Variants in PCSK9 observed in about 807,000 individuals in gnomAD.
The protein encoded by PCSK9 is proprotein convertase subtilisin/kexin type 9.
In PCSK9, 57 loss-of-function variants were observed where a neutral mutation model predicts 62.1. The observed-to-expected ratio is 0.92, with a 90% CI of 0.74 to 1.14. The LOEUF is 1.14. Among genes scored for constraint, PCSK9 ranks in the 50% most tolerant of loss-of-function variants. The pLI, the probability that PCSK9 is intolerant of heterozygous loss-of-function variation, is 0.00. For synonymous variants in PCSK9, 387 were observed against 409.4 expected, an observed-to-expected ratio of 0.95 and a Z score of 0.66; for missense variants, 870 against 959.8, an observed-to-expected ratio of 0.91 and a Z score of 1.24.
intron 11 of PCSK9, among the ~76,000 whole-genome samples, 154 bp from the exon 12 acceptor site, chr1:55,063,215 G>A (rs1644775713): frequency 6.6e-6 from 1 of 152,194 alleles, no homozygotes; most frequent in Non-Finnish European, 1.5e-5. Context: ...GGTGCGGGGT[G>A]GGAGATACAC....
At chr1:55,060,878 C>T (rs530597927) in intron 10 of PCSK9, among the ~76,000 whole-genome samples, 1 of 152,338 alleles carries the variant, frequency 6.6e-6, no homozygotes, top group African/African-American at 2.4e-5. Flanking sequence ...GGTGTGGTTT[C>T]TCTTTCCATC....
rs903215265 is a variant in PCSK9, at chr1:55,056,219, C to T, written c.996+30C>T. ...GTGCTGGGGCTGCTGCCCCAAGGCG[C>T]GGGTAGGGGGCGGAGGGCGGAGGGC... On this transcript the variant is annotated intron_variant, in intron 6 of 11. Transcript: ENST00000302118. 6 of 928,996 alleles carry T rather than the reference C, an allele frequency of 6.5e-6. No individual in the cohort carries two copies. The South Asian group carries it at 1.2e-4, about 19-fold the overall frequency. 57.5% of individuals were successfully genotyped at this position (928,996 alleles called of 1,614,324 possible).
intron 5 of PCSK9, 23 bp downstream of exon 5, chr1:55,052,814 G>A: frequency 6.2e-7 from 1 of 1,612,854 alleles, no homozygotes; most frequent in African/African-American, 1.3e-5. Context: ...CCCAGACGCT[G>A]GTCTCTCTCC....
chr1:55,046,490 A>G, intron 2 of PCSK9, 33 bp from the exon 3 acceptor site: 1 of 1,614,180 alleles, frequency 6.2e-7, no homozygotes, highest in Non-Finnish European at 8.5e-7. Flanking sequence ...AAATGGCTTA[A>G]GCAGAGTCCC....
At chr1:55,043,523 GC>G (rs1557499153) in intron 1 of PCSK9, among the ~76,000 whole-genome samples, 1 of 152,192 alleles carries the variant, frequency 6.6e-6, no homozygotes, top group Non-Finnish European at 1.5e-5. Flanking sequence ...TGGCCTTTGG[GC>G]AGGGCCACCA....
At position 55,039,709 on chromosome 1, in the gene PCSK9, A is replaced by T; in HGVS notation, c.-129A>T. The T allele has an allele frequency of 8.7e-7, 1 of 1,154,922 alleles. No homozygotes were observed. The highest frequency in any genetic ancestry group is 2.6e-5 in the East Asian group (1 of 38,370). 71.5% of individuals were successfully genotyped at this position (1,154,922 alleles called of 1,614,324 possible). ...CAGCCAGGATTCCGCGCGCCCCTTC[A>T]CGCGCCCTGCTCCTGAACTTCAGCT... On this transcript the variant is annotated 5_prime_UTR_variant, in exon 1 of 12. Coordinates refer to ENST00000302118, the MANE Select transcript of PCSK9 (RefSeq NM_174936.4).
At chr1:55,052,971 T>C (rs1476568279) in intron 5 of PCSK9, among the ~76,000 whole-genome samples, 180 bp downstream of exon 5, 1 of 152,170 alleles carries the variant, frequency 6.6e-6, no homozygotes, top group Non-Finnish European at 1.5e-5. Context: ...CGAGTGCAGA[T>C]GAAGAAACCC....
Position 55,039,664 on chromosome 1 carries a change from C to T in PCSK9, c.-174C>T. Reference sequence around the variant, plus strand: ...TCGGGCGGGCCGGGACGCGTCGTTGCAGCAGCGGCTCCCAGCTCCCAGCCA... The same window carrying T: ...TCGGGCGGGCCGGGACGCGTCGTTGTAGCAGCGGCTCCCAGCTCCCAGCCA... On this transcript the variant is annotated 5_prime_UTR_variant, in exon 1 of 12. Transcript: ENST00000302118. The T allele has an allele frequency of 1.3e-6, 1 of 747,222 alleles. No individual in the cohort carries two copies. The highest frequency in any genetic ancestry group is 2.2e-6 in the Non-Finnish European group (1 of 462,422). The allele number at this position is 747,222 out of a possible 1,614,324, so 46.3% of individuals were successfully genotyped here.
chr1:55,055,347 G>A (rs888255404), intron 5 of PCSK9, among the ~76,000 whole-genome samples: 4 of 151,978 alleles, frequency 2.6e-5, no homozygotes, highest in African/African-American at 9.6e-5. Context: ...GGGGAAGTGT[G>A]CCCTTCTCAT....
Position 55,059,570 on chromosome 1 carries a change from C to T in PCSK9, c.1588C>T (p.Pro530Ser). Residue 530 changes from proline to serine, a missense_variant, in exon 10 of 12, where the codon CCC (proline) becomes TCC (serine). Pro to Ser is a moderately conservative substitution (Grantham distance 74, BLOSUM62 -1). Transcript: ENST00000302118. The part of the protein sequence containing the change: ...VYAIARCCLL[P>S]QANCSVHTAP... Reference sequence around the variant, plus strand: ...CGCCATTGCCAGGTGCTGCCTGCTACCCCAGGCCAACTGCAGCGTCCACAC... The same window carrying T: ...CGCCATTGCCAGGTGCTGCCTGCTATCCCAGGCCAACTGCAGCGTCCACAC... 6 of 1,555,564 alleles carry T rather than the reference C, an allele frequency of 3.9e-6. No individual in the cohort carries two copies. The highest frequency in any genetic ancestry group is 2.7e-5 in the African/African-American group (2 of 73,702).
chr1:55,051,316 C>T (rs1159789197), intron 3 of PCSK9: 4 of 398,678 alleles, frequency 1.0e-5, no homozygotes, highest in South Asian at 7.3e-5. Flanking sequence ...CTGATTCCAC[C>T]TGAGGCCCTG....
At chr1:55,051,220 C>A (rs1213922562) in intron 3 of PCSK9, 1 of 456,126 alleles carries the variant, frequency 2.2e-6, no homozygotes, top group East Asian at 6.9e-5. Context: ...GCGGGGGCCA[C>A]AGAGGTGCTG....
intron 5 of PCSK9, 140 bp from the exon 6 acceptor site, chr1:55,055,853 G>T: frequency 1.3e-6 from 1 of 782,464 alleles, no homozygotes; most frequent in Non-Finnish European, 2.0e-6. Flanking sequence ...TTTCGCAGCA[G>T]CATTTCCACT....
In PCSK9 at chr1:55,058,639, C is replaced by T. The variant is rs201395805; in HGVS notation, c.1495C>T (p.Arg499Cys). 6.5e-5 allele frequency: 104 copies of T among 1,609,316 alleles called. No individual in the cohort carries two copies. In the Middle Eastern group the frequency reaches 6.8e-4, roughly 10 times the overall value. The change falls in exon 9 of 12, where the codon CGC becomes TGC. Residue 499 changes from arginine (R) to cysteine (C), a missense_variant. Transcript: ENST00000302118. Reference protein sequence around the residue: ...FSRSGKRRGERMEAQGGKLVC... With the variant: ...FSRSGKRRGECMEAQGGKLVC... ...CAGGAGTGGGAAGCGGCGGGGCGAGCGCATGGAGGTGACTGTACCCCTCCT... is the reference window on the plus strand; with the variant it reads ...CAGGAGTGGGAAGCGGCGGGGCGAGTGCATGGAGGTGACTGTACCCCTCCT...
rs1256733206 is a variant in PCSK9 at position 55,052,187 on chromosome 1, G to A, written c.524-91G>A. On this transcript the variant is annotated intron_variant, in intron 3 of 11. Coordinates refer to ENST00000302118, the MANE Select transcript of PCSK9 (RefSeq NM_174936.4). The stretch of plus-strand genomic sequence containing the variant: ...ATATATTTAAGGCGCTTTCACCAGT[G>A]CCTGGGATGTGCTCTGTAGTTTCTG... The A allele has an allele frequency of 1.9e-6, 3 of 1,566,326 alleles. No individual in the cohort carries two copies. The African/African-American group carries it at 4.1e-5, about 21-fold the overall frequency.
At chr1:55,057,221 C>G (rs1178902698) in intron 6 of PCSK9, 110 bp from the exon 7 acceptor site, 2 of 1,366,342 alleles carry the variant, frequency 1.5e-6, no homozygotes, top group Non-Finnish European at 2.1e-6. Context: ...TTGAGTGGGA[C>G]CCAAACAGGT....
intron 5 of PCSK9, among the ~76,000 whole-genome samples, chr1:55,054,259 CTG>C (rs1450256105): frequency 1.3e-5 from 2 of 152,178 alleles, no homozygotes; most frequent in Admixed American, 6.5e-5. Context: ...TGGTGGGTGT[CTG>C]TATCCCAGCT....
chr1:55,043,761 T>C lies in PCSK9; in HGVS notation c.208-82T>C, dbSNP rs1644613746. 4.1e-6 allele frequency: 6 copies of C among 1,477,140 alleles called. 1 individual carries two copies. The highest frequency in any genetic ancestry group is 4.7e-4 in the Middle Eastern group (2 of 4,274). 91.5% of individuals were successfully genotyped at this position (1,477,140 alleles called of 1,614,324 possible). A position where few individuals can be genotyped will look rare whatever the true frequency, so the allele number is the denominator to read the frequency against. ...CTGTTGTGTCTCTTTTGTTGTAATTTGTAAGTAGGGGTGAGATAAAGTACA... is the reference window on the plus strand; with the variant it reads ...CTGTTGTGTCTCTTTTGTTGTAATTCGTAAGTAGGGGTGAGATAAAGTACA... On this transcript the variant is annotated intron_variant, in intron 1 of 11. Coordinates refer to ENST00000302118, the MANE Select transcript of PCSK9 (RefSeq NM_174936.4).
chr1:55,040,085 C>T lies in PCSK9; in HGVS notation c.207+41C>T, dbSNP rs745692493. On this transcript the variant is annotated intron_variant, in intron 1 of 11. Coordinates refer to ENST00000302118, the MANE Select transcript of PCSK9 (RefSeq NM_174936.4). The surrounding 1 kb of genome is among the most constrained non-coding windows in gnomAD (Gnocchi z 4.1). ...TGGGAGGCCGGGGCGAACCCGCAGC[C>T]GGGACGGTGCGGTGCTGTTTCCTCT... 5 of 1,542,472 alleles carry T rather than the reference C, an allele frequency of 3.2e-6. No homozygotes were observed. Among genetic ancestry groups the T allele is most frequent in the East Asian group, 2.4e-5 (1 of 40,846 alleles).
Sources: gnomAD v4.1 joint callset for allele counts (sites outside exome capture counted in the v4.1 genomes callset) on GRCh38, gnomAD v4.1.1 for gene constraint, Gnocchi (gnomAD v3.1) non-coding constraint, MANE v1.5 for transcripts, NCBI Gene and HGNC (gene_info 2026-07-23, HGNC 2026-07-21) for gene names.